Variants in TIAM2 observed in about 807,000 individuals in gnomAD.
TIAM2 encodes TIAM Rac1 associated GEF 2.
TIAM2 carries 80 observed loss-of-function variants against 152.9 expected under a neutral mutation model. The observed-to-expected ratio is 0.52, with a 90% CI of 0.44 to 0.63. The LOEUF is 0.63. Among genes scored for constraint, TIAM2 ranks in the 30% least tolerant of loss-of-function variants. The probability of loss-of-function intolerance (pLI) is 0.00; values close to 1 mark genes in which losing one functional copy is unlikely to be tolerated. For missense variants in TIAM2, 1,965 were observed against 2,120.1 expected (o/e 0.93, Z 1.44); for synonymous variants, 804 against 838.0 (o/e 0.96, Z 0.70).
At chr6:155,082,403 TA>T (rs1778082542) in intron 1 of TIAM2, among the ~76,000 whole-genome samples, 1 of 151,594 alleles carries the variant, frequency 6.6e-6, no homozygotes, top group Non-Finnish European at 1.5e-5. Context: ...GTAATCCCAA[TA>T]CTTTGGGAGG....
Position 155,245,731 on chromosome 6 carries a change from G to A in TIAM2, c.3652G>A (p.Ala1218Thr), listed in dbSNP as rs1783280003. The stretch of plus-strand genomic sequence containing the variant: ...CAAAGTACAGAAGGTTCTGGAGCGA[G>A]GTAAGTTGCTTATGCCTTTTATAGT... Reference protein sequence around the residue: ...HIKVQKVLERAKTDKAFKAFL... With the variant: ...HIKVQKVLERTKTDKAFKAFL... The change falls in exon 19 of 27, where the codon GCT (alanine) becomes ACT (threonine). Residue 1218 changes from alanine to threonine, a missense_variant and splice_region_variant. Transcript: ENST00000682666. 6.6e-7 allele frequency: 1 copy of A among 1,519,150 alleles called. No homozygotes were observed. The highest frequency in any genetic ancestry group is 1.2e-5 in the South Asian group (1 of 82,212). 94.1% of individuals were successfully genotyped at this position (1,519,150 alleles called of 1,614,324 possible).
At chr6:155,175,937 G>C (rs1369392289) in intron 9 of TIAM2, among the ~76,000 whole-genome samples, 1 of 152,156 alleles carries the variant, frequency 6.6e-6, no homozygotes, top group Admixed American at 6.5e-5. Context: ...CAGGACTATG[G>C]GTTAATTTTA....
intron 15 of TIAM2, among the ~76,000 whole-genome samples, chr6:155,231,907 CCT>C (rs1247657441): frequency 6.6e-6 from 1 of 152,164 alleles, no homozygotes; most frequent in Non-Finnish European, 1.5e-5. Flanking sequence ...AAACTGAAAC[CCT>C]GTCTCTACTA....
intron 1 of TIAM2, among the ~76,000 whole-genome samples, chr6:155,061,146 A>C (rs1020551056): frequency 2.0e-5 from 3 of 152,186 alleles, no homozygotes; most frequent in African/African-American, 4.8e-5. Context: ...CTCTCAATGA[A>C]TAGAGCTAGG....
At chr6:155,046,805 C>T (rs1005077834) in intron 1 of TIAM2, among the ~76,000 whole-genome samples, 2 of 152,166 alleles carry the variant, frequency 1.3e-5, no homozygotes, top group Non-Finnish European at 2.9e-5. Context: ...GGAGAGGCCA[C>T]CTGTCTGTGT....
chr6:155,219,770 T>C (rs1039999742), intron 15 of TIAM2, among the ~76,000 whole-genome samples: 4 of 152,166 alleles, frequency 2.6e-5, no homozygotes, highest in Non-Finnish European at 5.9e-5. Flanking sequence ...AAGACATTAC[T>C]GTGGCATAAA....
At chr6:155,210,422 C>T (rs937744513) in intron 14 of TIAM2, among the ~76,000 whole-genome samples, 2 of 151,820 alleles carry the variant, frequency 1.3e-5, no homozygotes, top group African/African-American at 2.4e-5. Flanking sequence ...GGGCTCAAGC[C>T]ATCCTCCTGC....
intron 1 of TIAM2, among the ~76,000 whole-genome samples, chr6:155,058,455 G>T (rs1777500182): frequency 6.6e-6 from 1 of 152,150 alleles, no homozygotes; most frequent in Non-Finnish European, 1.5e-5. Context: ...AACACTTTTT[G>T]AGTCCCCGTC....
At chr6:155,233,416 A>G (rs754610766) in intron 15 of TIAM2, among the ~76,000 whole-genome samples, 5 of 152,182 alleles carry the variant, frequency 3.3e-5, no homozygotes, top group Non-Finnish European at 7.3e-5. Context: ...GGTTTGACAA[A>G]GACTCTGTCC....
intron 1 of TIAM2, among the ~76,000 whole-genome samples, chr6:155,029,960 T>C (rs1056016597): frequency 6.6e-6 from 1 of 151,718 alleles, no homozygotes; most frequent in Non-Finnish European, 1.5e-5. Context: ...GCCTGGCTAA[T>C]TTTTGTATGT....
At chr6:155,150,512 G>C (rs187832658) in intron 7 of TIAM2, among the ~76,000 whole-genome samples, 17 of 152,304 alleles carry the variant, frequency 1.1e-4, no homozygotes, top group Non-Finnish European at 2.1e-4. Flanking sequence ...GTGACTGAGT[G>C]GTGGCTTGGG....
intron 2 of TIAM2, among the ~76,000 whole-genome samples, chr6:155,110,318 C>CTTTTTTTTTTTTTTTTTTTTTTTT (rs67332964): frequency 1.5e-5 from 2 of 133,800 alleles, no homozygotes; most frequent in African/African-American, 5.6e-5. Context: ...TCTTTCTTTT[C>CTTTTTTTTTTTTTTTTTTTTTTTT]TTTTTTTTTT....
intron 1 of TIAM2, among the ~76,000 whole-genome samples, chr6:155,017,461 C>T (rs1465989454): frequency 6.6e-6 from 1 of 150,434 alleles, no homozygotes; most frequent in Non-Finnish European, 1.5e-5. Flanking sequence ...TAAGTCCTTG[C>T]TTCCTGTCAC....
chr6:155,036,523 A>G (rs1391743919), intron 1 of TIAM2, among the ~76,000 whole-genome samples: 3 of 151,526 alleles, frequency 2.0e-5, no homozygotes, highest in East Asian at 3.9e-4. Context: ...AAAGAAAAAA[A>G]AAAAAAAAAA....
rs1409609734 is a variant in TIAM2, at chr6:155,218,532, A to G, written c.3168+7225A>G. Among the ~76,000 whole-genome samples, 1 of 152,226 alleles carries G rather than the reference A, an allele frequency of 6.6e-6. No homozygotes were observed. On this transcript the variant is annotated intron_variant, in intron 15 of 26. Coordinates refer to ENST00000682666, the MANE Select transcript of TIAM2 (RefSeq NM_012454.4). This position sits in a 1 kb window ranked among gnomAD's most constrained non-coding sequence, Gnocchi z 4.5. The stretch of plus-strand genomic sequence containing the variant: ...TGTGTGTCCTCCTCTATGAATAAAC[A>G]TAACACCACCACCAACCCAGTGTTG...
At chr6:155,015,497 G>T (rs1415026525) in intron 1 of TIAM2, among the ~76,000 whole-genome samples, 1 of 151,976 alleles carries the variant, frequency 6.6e-6, no homozygotes, top group Non-Finnish European at 1.5e-5. Flanking sequence ...GCAAAGAGAG[G>T]CAAAAAAGAC....
chr6:155,245,150 G>A (rs1271418091), intron 18 of TIAM2, among the ~76,000 whole-genome samples: 1 of 152,170 alleles, frequency 6.6e-6, no homozygotes, highest in Non-Finnish European at 1.5e-5. Context: ...CTGGGATTAA[G>A]AGAATAGGTT....
chr6:155,098,430 A>T (rs1778468832), intron 2 of TIAM2, among the ~76,000 whole-genome samples: 1 of 152,100 alleles, frequency 6.6e-6, no homozygotes, highest in Admixed American at 6.5e-5. Context: ...TTTTACATTC[A>T]TTGTAGCTAT....
At chr6:155,222,456 A>G (rs1782079397) in intron 15 of TIAM2, among the ~76,000 whole-genome samples, 1 of 151,654 alleles carries the variant, frequency 6.6e-6, no homozygotes, top group Admixed American at 6.6e-5. Context: ...CAAAAATTAG[A>G]TAGGCATTGT....
Sources: gnomAD v4.1 joint callset for allele counts (sites outside exome capture counted in the v4.1 genomes callset) on GRCh38, gnomAD v4.1.1 for gene constraint, Gnocchi (gnomAD v3.1) non-coding constraint, MANE v1.5 for transcripts, NCBI Gene and HGNC (gene_info 2026-07-23, HGNC 2026-07-21) for gene names.